Variants in DNAH2 observed in about 807,000 individuals in gnomAD.
DNAH2 encodes dynein axonemal heavy chain 2, also known as axonemal beta dynein heavy chain 2.
In DNAH2, 323 loss-of-function variants were observed where a neutral mutation model predicts 523.5. The ratio of observed to expected loss-of-function variants is 0.62; its 90% CI spans 0.56 to 0.68. The LOEUF is 0.68. Among genes scored for constraint, DNAH2 ranks in the 30% least tolerant of loss-of-function variants. DNAH2 has a pLI of 0.00. For synonymous variants in DNAH2, 2,093 were observed against 2,177.4 expected (o/e 0.96, Z 1.08); for missense variants, 4,907 against 5,701.5 (o/e 0.86, Z 4.49).
chr17:7,741,291 TTTCTTCCTTCCTTCCC>T (rs2075325245), intron 11 of DNAH2, among the ~76,000 whole-genome samples: 3 of 53,122 alleles, frequency 5.6e-5, no homozygotes, highest in African/African-American at 1.0e-4. Context: ...TCTTTCTTTC[TTTCTTCCTTCCTTCCC>T]TCCCTCCCTC....
At chr17:7,793,372 G>A (rs2076952661) in intron 48 of DNAH2, among the ~76,000 whole-genome samples, 167 bp downstream of exon 48, 1 of 151,994 alleles carries the variant, frequency 6.6e-6, no homozygotes, top group Admixed American at 6.6e-5. Context: ...CACGAGCCAG[G>A]CATCCTCCCT....
chr17:7,727,140 C>G lies in DNAH2; in HGVS notation c.247C>G (p.Arg83Gly). The G allele has an allele frequency of 6.4e-7, 1 of 1,569,810 alleles. No individual in the cohort carries two copies. Among genetic ancestry groups the G allele is most frequent in the East Asian group, 2.3e-5 (1 of 42,596 alleles). Residue 83 changes from arginine (R) to glycine (G), a missense_variant, in exon 4 of 86, where the codon CGA (arginine) becomes GGA (glycine). By Grantham distance (125) the Arg-to-Gly change is moderately radical. Coordinates refer to ENST00000572933, the MANE Select transcript of DNAH2 (RefSeq NM_020877.5). ...EADVKPLFLSRAALTGLADAV... is the reference protein window; with the variant it reads ...EADVKPLFLSGAALTGLADAV... ...TCTGTAGAAGCCCCTCTTCCTTTCC[C>G]GAGCTGCGCTGACAGGACTGGCGGA...
At position 7,804,426 on chromosome 17, in the gene DNAH2, T is replaced by C; in HGVS notation, c.9143T>C (p.Ile3048Thr). ...AAGCAGTGTGAGGAGTACCTGGTCA[T>C]CATTGTGCAGCAGAAGCGGGAGGCA... ...FQKQCEEYLVIIVQQKREADE... is the reference protein window; with the variant it reads ...FQKQCEEYLVTIVQQKREADE... The change falls in exon 59 of 86, where the codon ATC becomes ACC. Residue 3048 changes from isoleucine (I) to threonine (T), a missense_variant. Transcript: ENST00000572933. 2 of 1,614,012 alleles carry C rather than the reference T, an allele frequency of 1.2e-6. No homozygotes were observed. The highest frequency in any genetic ancestry group is 1.7e-6 in the Non-Finnish European group (2 of 1,180,016).
chr17:7,788,273 G>A (rs1379611026), intron 44 of DNAH2, 29 bp downstream of exon 44: 1 of 1,536,136 alleles, frequency 6.5e-7, no homozygotes, highest in African/African-American at 1.4e-5. Context: ...CCACGGGCAG[G>A]GGCAGGGGGT....
chr17:7,790,129 T>C (rs561918298), intron 44 of DNAH2, among the ~76,000 whole-genome samples: 1 of 152,220 alleles, frequency 6.6e-6, no homozygotes, highest in African/African-American at 2.4e-5. Context: ...ATGTGCTCCA[T>C]GCGCCCAGTC....
chr17:7,733,007 A>T (rs1242160785), intron 4 of DNAH2, 80 bp from the exon 5 acceptor site: 1 of 1,456,646 alleles, frequency 6.9e-7, no homozygotes, highest in African/African-American at 1.4e-5. Context: ...GGACGTGAGA[A>T]AGAACTCAGC....
At chr17:7,819,131 C>A (rs1041591568) in intron 71 of DNAH2, 68 bp downstream of exon 71, 1 of 1,603,048 alleles carries the variant, frequency 6.2e-7, no homozygotes, top group African/African-American at 1.3e-5. Flanking sequence ...CATGACGGCT[C>A]GAGACCCCTC....
At position 7,792,726 on chromosome 17, in the gene DNAH2, G is replaced by C; in HGVS notation, c.7215G>C (p.Leu2405Phe). 6.2e-7 allele frequency: 1 copy of C among 1,614,186 alleles called. No homozygotes were observed. The highest frequency in any genetic ancestry group is 1.7e-5 in the Admixed American group (1 of 60,020). Residue 2405 changes from leucine (L) to phenylalanine (F), a missense_variant, in exon 47 of 86, where the codon TTG (leucine) becomes TTC (phenylalanine). Coordinates refer to ENST00000572933, the MANE Select transcript of DNAH2 (RefSeq NM_020877.5). ...GCTACAACTACCTGGTGAGCAGCTT[G>C]GTGGCCAACCAGAATCCCATTCTGC... ...TVRYNYLVSS[L>F]VANQNPILLV...
chr17:7,797,482 G>A lies in DNAH2; in HGVS notation c.8032G>A (p.Asp2678Asn). The change falls in exon 52 of 86, where the codon GAC becomes AAC. Residue 2678 changes from aspartate to asparagine, a missense_variant. Physicochemically the swap from Asp to Asn is conservative, Grantham distance 23 (BLOSUM62 1). Around this residue, in one of 3 missense-constraint regions of DNAH2, gnomAD observed 250 missense variants for 371.3 expected, o/e 0.67. Transcript: ENST00000572933. ...IISDKLGSFFDLTFHHLCPSK... is the reference protein window; with the variant it reads ...IISDKLGSFFNLTFHHLCPSK... ...AAGCGACAAGCTCGGCTCCTTCTTT[G>A]ACCTCACATTTCATCATCTCTGTCC... 6.2e-7 allele frequency: 1 copy of A among 1,614,108 alleles called. No individual in the cohort carries two copies. Among genetic ancestry groups the A allele is most frequent in the Non-Finnish European group, 8.5e-7 (1 of 1,180,048 alleles).
rs370115986 is a variant in DNAH2 at position 7,798,366 on chromosome 17, T to A, written c.8398+42T>A. 1.3e-6 allele frequency: 2 copies of A among 1,581,544 alleles called. No homozygotes were observed. The highest frequency in any genetic ancestry group is 1.7e-6 in the Non-Finnish European group (2 of 1,161,948). On this transcript the variant is annotated intron_variant, in intron 54 of 85. Transcript: ENST00000572933. The surrounding 1 kb of genome is among the most constrained non-coding windows in gnomAD (Gnocchi z 5.5). The stretch of plus-strand genomic sequence containing the variant: ...GAAATGCTAGGAATAAAAGATCAGA[T>A]GCATACATTCCTGCAGTGACAAGAG...
At chr17:7,756,981 T>C in intron 12 of DNAH2, 110 bp from the exon 13 acceptor site, 1 of 1,503,448 alleles carries the variant, frequency 6.7e-7, no homozygotes, top group South Asian at 1.2e-5. Flanking sequence ...TCTGCTTCAT[T>C]TCTCATCTCG....
chr17:7,806,079 G>A (rs943974954), intron 61 of DNAH2, among the ~76,000 whole-genome samples: 8 of 152,056 alleles, frequency 5.3e-5, no homozygotes, highest in Admixed American at 3.9e-4. Flanking sequence ...AAGATTTTTC[G>A]TCTTTACAAT....
At chr17:7,793,495 CTT>C (rs1394398240) in intron 48 of DNAH2, among the ~76,000 whole-genome samples, 4 of 135,320 alleles carry the variant, frequency 3.0e-5, no homozygotes, top group Admixed American at 1.5e-4. Flanking sequence ...TTCTTTCTTT[CTT>C]TCTTTCTTTC....
Position 7,734,648 on chromosome 17 carries a change from C to T in DNAH2, c.918C>T (p.Ile306=), listed in dbSNP as rs1479298741. Residue 306 remains isoleucine (I), a synonymous_variant, in exon 7 of 86, where the codon ATC becomes ATT. Coordinates refer to ENST00000572933, the MANE Select transcript of DNAH2 (RefSeq NM_020877.5). ...VKKGVKHVES[I]LHLAKSSYLA... is the part of the protein sequence containing the mutation. ...AGGGAGTGAAGCACGTTGAATCCAT[C>T]CTGCACCTTGCCAAGTCGTCCTACT... 9 of 1,612,968 alleles carry T rather than the reference C, an allele frequency of 5.6e-6. No homozygotes were observed. The highest frequency in any genetic ancestry group is 2.7e-5 in the African/African-American group (2 of 74,570).
intron 35 of DNAH2, 117 bp downstream of exon 35, chr17:7,778,586 T>C (rs2076521323): frequency 1.1e-6 from 1 of 903,310 alleles, no homozygotes; most frequent in East Asian, 2.8e-5. Context: ...GCATCACATG[T>C]AATTCTTATT....
rs2074707376 is a variant in DNAH2, at chr17:7,723,762, G to A, written c.228+73G>A. The A allele has an allele frequency of 5.3e-6, 7 of 1,314,126 alleles. No homozygotes were observed. The South Asian group carries it at 8.4e-5, about 16-fold the overall frequency. 81.4% of individuals were successfully genotyped at this position (1,314,126 alleles called of 1,614,324 possible). A position where few individuals can be genotyped will look rare whatever the true frequency, so the allele number is the denominator to read the frequency against. On this transcript the variant is annotated intron_variant, in intron 3 of 85. Coordinates refer to ENST00000572933, the MANE Select transcript of DNAH2 (RefSeq NM_020877.5). ...TGAATCAAAGGATCAGTTGTGGATGGCACATGAGGAATTCTCTCTTGTCTG... is the reference window on the plus strand; with the variant it reads ...TGAATCAAAGGATCAGTTGTGGATGACACATGAGGAATTCTCTCTTGTCTG...
At chr17:7,830,150 T>G in intron 77 of DNAH2, 150 bp from the exon 78 acceptor site, 1 of 740,374 alleles carries the variant, frequency 1.4e-6, no homozygotes, top group Non-Finnish European at 2.1e-6. Flanking sequence ...GATCTTGGCA[T>G]GTAGATCAAC....
chr17:7,734,747 G>A (rs773328338), intron 7 of DNAH2, 39 bp downstream of exon 7: 5 of 1,597,374 alleles, frequency 3.1e-6, no homozygotes, highest in Non-Finnish European at 4.3e-6. Flanking sequence ...TCAGCAAGAA[G>A]TGGGCAATGG....
chr17:7,824,661 C>A lies in DNAH2; in HGVS notation c.11787C>A (p.Ile3929=), dbSNP rs749139586. 1.2e-5 allele frequency: 19 copies of A among 1,607,750 alleles called. No homozygotes were observed. The highest frequency in any genetic ancestry group is 1.5e-5 in the Non-Finnish European group (18 of 1,175,844). ...HPSFRLWLSS[I]PHPDFPISIL... is the part of the protein sequence containing the mutation. ...CCTTCCGCCTCTGGCTCAGCTCCATCCCCCACCCAGACTTCCCTATCTCAA... is the reference window on the plus strand; with the variant it reads ...CCTTCCGCCTCTGGCTCAGCTCCATACCCCACCCAGACTTCCCTATCTCAA... The change falls in exon 77 of 86, where the codon ATC becomes ATA. Residue 3929 remains isoleucine, a synonymous_variant. Transcript: ENST00000572933.
Sources: gnomAD v4.1 joint callset for allele counts (sites outside exome capture counted in the v4.1 genomes callset) on GRCh38, gnomAD v4.1.1 for gene constraint, gnomAD v4.1.1 regional missense constraint, Gnocchi (gnomAD v3.1) non-coding constraint, MANE v1.5 for transcripts, NCBI Gene and HGNC (gene_info 2026-07-23, HGNC 2026-07-21) for gene names.